CELF2: variants seen among roughly 807,000 people sequenced by gnomAD.
The protein encoded by CELF2 is CUG triplet repeat RNA-binding protein 2.
Under a neutral mutation model 62.6 loss-of-function variants are expected in CELF2, and 8 were observed. That is an observed-to-expected ratio of 0.13 (90% CI 0.07 to 0.23). CELF2 has a LOEUF of 0.23. Ranked by LOEUF, CELF2 falls within the 10% of genes least tolerant of loss-of-function variation. CELF2 has a pLI of 1.00. For missense variants in CELF2, 333 were observed against 671.0 expected (o/e 0.50, Z 5.56); for synonymous variants, 258 against 250.0 (o/e 1.03, Z -0.30).
rs1490410339 is a variant in CELF2, at chr10:11,046,465, A to C, written c.74+28302A>C. Among the ~76,000 whole-genome samples, 1 of 152,202 alleles carries C rather than the reference A, an allele frequency of 6.6e-6. No homozygotes were observed. Among genetic ancestry groups the C allele is most frequent in the African/African-American group, 2.4e-5 (1 of 41,454 alleles). On this transcript the variant is annotated intron_variant, in intron 1 of 12. Coordinates refer to ENST00000633077, the MANE Select transcript of CELF2 (RefSeq NM_001326342.2). This position sits in a 1 kb window ranked among gnomAD's most constrained non-coding sequence, Gnocchi z 4.6. ...GACACCGAAATGAAATATAAAGGGAAGATAAAGTATATTAAGGTTCTCATT... is the reference window on the plus strand; with the variant it reads ...GACACCGAAATGAAATATAAAGGGACGATAAAGTATATTAAGGTTCTCATT...
At chr10:10,899,472 G>A (rs1334218634) in intron 1 of CELF2, among the ~76,000 whole-genome samples, 2 of 152,138 alleles carry the variant, frequency 1.3e-5, no homozygotes, top group Non-Finnish European at 2.9e-5. Context: ...GATCAGGGGT[G>A]AACAAGCTTC....
chr10:10,575,075 T>C, the CELF2 span, among the ~76,000 whole-genome samples: 2 of 152,124 alleles, frequency 1.3e-5, no homozygotes, highest in Non-Finnish European at 2.9e-5. Context: ...TTATTAAAAA[T>C]GCTAAGTATA....
At chr10:10,692,353 G>C in the CELF2 span, among the ~76,000 whole-genome samples, 1 of 151,330 alleles carries the variant, frequency 6.6e-6, no homozygotes, top group Non-Finnish European at 1.5e-5. Context: ...GCTCTGTTCT[G>C]TTCCATTGAT....
chr10:11,195,270 C>T lies in CELF2; in HGVS notation c.272-22155C>T, dbSNP rs573594563. On this transcript the variant is annotated intron_variant, in intron 2 of 12. Coordinates refer to ENST00000633077, the MANE Select transcript of CELF2 (RefSeq NM_001326342.2). ...TCTGAGAGTGTTAACTGCTATTTGGCTCATTTTTCTGCACCAAGGAGAACA... is the reference window on the plus strand; with the variant it reads ...TCTGAGAGTGTTAACTGCTATTTGGTTCATTTTTCTGCACCAAGGAGAACA... Among the ~76,000 whole-genome samples the T allele has an allele frequency of 5.9e-5, 9 of 152,308 alleles. No individual in the cohort carries two copies. The South Asian group carries it at 1.9e-3, about 32-fold the overall frequency.
chr10:10,607,855 C>T, the CELF2 span, among the ~76,000 whole-genome samples: 4 of 152,114 alleles, frequency 2.6e-5, no homozygotes, highest in South Asian at 8.3e-4. Flanking sequence ...CTTTGGGAGG[C>T]AGAGGCAGGA....
the CELF2 span, among the ~76,000 whole-genome samples, chr10:10,763,094 G>T: frequency 6.6e-6 from 1 of 152,118 alleles, no homozygotes; most frequent in Admixed American, 6.6e-5. Context: ...GCTTCAATTT[G>T]CTCATTTTAC....
chr10:11,139,225 A>G (rs2060906351), intron 1 of CELF2, among the ~76,000 whole-genome samples: 1 of 152,218 alleles, frequency 6.6e-6, no homozygotes, highest in Non-Finnish European at 1.5e-5. Context: ...GTAGTTTTAA[A>G]CAATGAAGAA....
At chr10:10,949,617 C>G (rs1402012621) in intron 2 of CELF2, among the ~76,000 whole-genome samples, 1 of 151,676 alleles carries the variant, frequency 6.6e-6, no homozygotes, top group Non-Finnish European at 1.5e-5. Flanking sequence ...TACAACAAAA[C>G]CCCATCTCTA....
At chr10:10,634,171 T>C in the CELF2 span, among the ~76,000 whole-genome samples, 1 of 152,130 alleles carries the variant, frequency 6.6e-6, no homozygotes, top group Non-Finnish European at 1.5e-5. Context: ...TATGATGCTA[T>C]GTTTTTCTAT....
intron 2 of CELF2, among the ~76,000 whole-genome samples, chr10:11,188,518 T>C (rs1447411260): frequency 6.6e-6 from 1 of 152,198 alleles, no homozygotes. Context: ...TCAGATGTCA[T>C]CCTTCTCCTT....
chr10:11,100,982 G>C (rs370993624), intron 1 of CELF2, among the ~76,000 whole-genome samples: 25 of 152,178 alleles, frequency 1.6e-4, no homozygotes, highest in African/African-American at 6.0e-4. Context: ...CTTTGGGGCT[G>C]TCTAGTTAGA....
In CELF2 at chr10:11,026,973, T is replaced by A. The variant is rs546946925; in HGVS notation, c.74+8810T>A. Among the ~76,000 whole-genome samples the A allele has an allele frequency of 5.9e-5, 9 of 152,316 alleles. No individual in the cohort carries two copies. The South Asian group carries it at 1.9e-3, about 32-fold the overall frequency. The stretch of plus-strand genomic sequence containing the variant: ...TTCGGAATGATTAACTTTATGGATG[T>A]CTTTGTCTGGGCCAGCTATATTTGG... On this transcript the variant is annotated intron_variant, in intron 1 of 12. Transcript: ENST00000633077.
intron 1 of CELF2, among the ~76,000 whole-genome samples, chr10:11,092,672 A>C (rs2048651041): frequency 6.6e-6 from 1 of 152,198 alleles, no homozygotes; most frequent in Admixed American, 6.5e-5. Context: ...GTTTCTTCAG[A>C]GATAAGGATG....
At chr10:10,760,720 C>G in the CELF2 span, among the ~76,000 whole-genome samples, 3 of 152,028 alleles carry the variant, frequency 2.0e-5, no homozygotes, top group Admixed American at 6.6e-5. Flanking sequence ...AGAACACGTC[C>G]AAGCAAACGA....
chr10:10,712,425 C>G, the CELF2 span, among the ~76,000 whole-genome samples: 2 of 152,158 alleles, frequency 1.3e-5, no homozygotes, highest in Admixed American at 6.5e-5. Flanking sequence ...TACTACATCA[C>G]CGGTTGTAGG....
chr10:10,877,444 G>A lies in CELF2; in HGVS notation c.54-42520G>A, dbSNP rs951690377. 1.8e-4 allele frequency among the ~76,000 whole-genome samples: 28 copies of A among 152,226 alleles called. 1 individual carries two copies. Among genetic ancestry groups the A allele is most frequent in the Admixed American group, 6.5e-4 (10 of 15,294 alleles). On this transcript the variant is annotated intron_variant, in intron 1 of 13. Transcript: ENST00000636488. ...GAAGTGGGGAGAGTGCTTCCAGGTC[G>A]TAGGTAGATTCCAGACAAATGGTTG...
At chr10:10,831,338 A>T (rs556126957) in intron 1 of CELF2, among the ~76,000 whole-genome samples, 1 of 152,232 alleles carries the variant, frequency 6.6e-6, no homozygotes, top group Non-Finnish European at 1.5e-5. Context: ...GGCAGTCAGG[A>T]CACTTCTGGA....
the CELF2 span, among the ~76,000 whole-genome samples, chr10:10,469,217 A>G: frequency 6.6e-6 from 1 of 151,928 alleles, no homozygotes; most frequent in Non-Finnish European, 1.5e-5. Flanking sequence ...TGCATATTTT[A>G]AAATTCTTAT....
chr10:10,537,925 G>C, the CELF2 span, among the ~76,000 whole-genome samples: 15,609 of 152,156 alleles, frequency 0.1, 851 homozygotes, highest in Middle Eastern at 0.2. Context: ...GTCCGTGGCC[G>C]CGGGAGCCTG....
Sources: allele counts gnomAD v4.1 joint callset (sites outside exome capture counted in the v4.1 genomes callset), GRCh38; gene constraint gnomAD v4.1.1; non-coding constraint Gnocchi (gnomAD v3.1); transcripts MANE v1.5; gene names NCBI Gene and HGNC (gene_info 2026-07-23, HGNC 2026-07-21).